CYP2C18: variants seen among roughly 807,000 people sequenced by gnomAD.
CYP2C18 encodes cytochrome P450 2C18.
In CYP2C18, 38 loss-of-function variants were observed where a neutral mutation model predicts 41.3. That is an observed-to-expected ratio of 0.92 (90% confidence interval 0.71 to 1.21). The LOEUF is 1.21. CYP2C18 is among the 50% of genes most tolerant of loss of function. The probability of loss-of-function intolerance (pLI) is 0.00; values close to 1 mark genes in which losing one functional copy is unlikely to be tolerated. For missense variants in CYP2C18, 635 were observed against 591.4 expected (o/e 1.07, Z -0.77); for synonymous variants, 236 against 210.0 (o/e 1.12, Z -1.07).
At chr10:94,712,173 T>TTA (rs1564644435) in intron 5 of CYP2C18, among the ~76,000 whole-genome samples, 3 of 150,028 alleles carry the variant, frequency 2.0e-5, no homozygotes, top group South Asian at 4.3e-4. Context: ...TTTTTTTTTT[T>TTA]ATTTAAGGTT....
intron 7 of CYP2C18, among the ~76,000 whole-genome samples, chr10:94,729,111 A>G (rs1217438920): frequency 2.6e-5 from 4 of 152,140 alleles, no homozygotes; most frequent in Admixed American, 1.3e-4. Context: ...ATGAGTTAGA[A>G]CACTGTTGTT....
rs747273748 is a variant in CYP2C18 at position 94,735,277 on chromosome 10, A to G, written c.1306A>G (p.Met436Val). The change falls in exon 9 of 9, where the codon ATG (methionine) becomes GTG (valine). Residue 436 changes from methionine to valine, a missense_variant. Physicochemically the swap from Met to Val is conservative, Grantham distance 21. Transcript: ENST00000285979. ...CTTATTTTCAGGAAAACGGATGTGT[A>G]TGGGAGAGGGCCTGGCCCGCATGGA... ...MPFSAGKRMCMGEGLARMELF... is the reference protein window; with the variant it reads ...MPFSAGKRMCVGEGLARMELF... 1.9e-6 allele frequency: 3 copies of G among 1,613,510 alleles called. 1 individual carries two copies. The East Asian group carries it at 6.7e-5, about 36-fold the overall frequency.
intron 3 of CYP2C18, among the ~76,000 whole-genome samples, chr10:94,689,090 GTTAA>G (rs765911733): frequency 4.6e-5 from 7 of 152,032 alleles, no homozygotes; most frequent in Non-Finnish European, 7.4e-5. Flanking sequence ...TAATTTCCCT[GTTAA>G]TTAAGAAGTA....
chr10:94,689,360 A>G (rs1452778479), intron 3 of CYP2C18, among the ~76,000 whole-genome samples: 1 of 140,180 alleles, frequency 7.1e-6, no homozygotes, highest in Non-Finnish European at 1.5e-5. Flanking sequence ...TTTATTTTCT[A>G]TATTTTTATG....
At position 94,735,269 on chromosome 10, in the gene CYP2C18, G is replaced by A. The variant is rs538067636; in HGVS notation, c.1298G>A (p.Arg433Gln). 15 of 1,613,134 alleles carry A rather than the reference G, an allele frequency of 9.3e-6. No homozygotes were observed. Among genetic ancestry groups the A allele is most frequent in the Middle Eastern group, 1.6e-4 (1 of 6,062 alleles). The part of the protein sequence containing the change: ...DYFMPFSAGK[R>Q]MCMGEGLARM... ...CTATGTCTCTTATTTTCAGGAAAAC[G>A]GATGTGTATGGGAGAGGGCCTGGCC... Residue 433 changes from arginine (R) to glutamine (Q), a missense_variant, in exon 9 of 9, where the codon CGG (arginine) becomes CAG (glutamine). Transcript: ENST00000285979.
Position 94,687,752 on chromosome 10 carries a change from C to T in CYP2C18, c.169-18C>T. ...TACTGAGTTTTGCTACTATTTGAAC[C>T]TCCTTTTCTATGTTTAGTTCTCAAA... On this transcript the variant is annotated intron_variant, in intron 1 of 8. Coordinates refer to ENST00000285979, the MANE Select transcript of CYP2C18 (RefSeq NM_000772.3). 1 of 1,604,720 alleles carries T rather than the reference C, an allele frequency of 6.2e-7. No homozygotes were observed. The highest frequency in any genetic ancestry group is 8.5e-7 in the Non-Finnish European group (1 of 1,176,066).
Position 94,730,419 on chromosome 10 carries a change from C to G in CYP2C18, c.1150-2878C>G, listed in dbSNP as rs557134652. On this transcript the variant is annotated intron_variant, in intron 7 of 8. Coordinates refer to ENST00000285979, the MANE Select transcript of CYP2C18 (RefSeq NM_000772.3). ...GGAAATCACAAAACAGGTGAACAAC[C>G]AAGTCAAGGGTGGTTTTTCTGTTTG... 2.3e-3 allele frequency among the ~76,000 whole-genome samples: 356 copies of G among 152,222 alleles called. 1 individual carries two copies. The highest frequency in any genetic ancestry group is 3.4e-3 in the Middle Eastern group (1 of 294).
chr10:94,733,383 T>C lies in CYP2C18; in HGVS notation c.1236T>C (p.Phe412=). Residue 412 remains phenylalanine (F), a synonymous_variant, in exon 8 of 9, where the codon TTT becomes TTC. Coordinates refer to ENST00000285979, the MANE Select transcript of CYP2C18 (RefSeq NM_000772.3). ...CAGAGATGTTTGACCCTGGCCACTT[T>C]CTGGATAAGAGTGGCAACTTTAAGA... ...PNPEMFDPGH[F]LDKSGNFKKS... is the part of the protein sequence containing the mutation. The C allele has an allele frequency of 6.2e-7, 1 of 1,613,490 alleles. No homozygotes were observed. Among genetic ancestry groups the C allele is most frequent in the South Asian group, 1.1e-5 (1 of 91,048 alleles).
intron 3 of CYP2C18, among the ~76,000 whole-genome samples, chr10:94,691,972 T>G (rs1227901278): frequency 1.3e-5 from 2 of 152,158 alleles, no homozygotes; most frequent in African/African-American, 4.8e-5. Context: ...GCTAGCCATA[T>G]GTAGAAAGCT....
At chr10:94,686,763 T>C (rs1421565947) in intron 1 of CYP2C18, among the ~76,000 whole-genome samples, 2 of 152,208 alleles carry the variant, frequency 1.3e-5, no homozygotes, top group Non-Finnish European at 2.9e-5. Context: ...TAATGCATTT[T>C]GCCAGAAGAG....
chr10:94,734,861 T>C (rs544536363), intron 8 of CYP2C18, among the ~76,000 whole-genome samples: 2 of 152,200 alleles, frequency 1.3e-5, no homozygotes, highest in African/African-American at 4.8e-5. Flanking sequence ...GGAAAAAAAA[T>C]CTTTGGCTAA....
In CYP2C18 at chr10:94,697,146, C is replaced by T. The variant is rs894243175; in HGVS notation, c.642+2069C>T. ...TACAGAGAATGCCACAAAGATACTC[C>T]TCGGGAAGAGCAACTCCAAGACACA... On this transcript the variant is annotated intron_variant, in intron 4 of 8. Transcript: ENST00000285979. Among the ~76,000 whole-genome samples the T allele has an allele frequency of 2.6e-5, 4 of 152,218 alleles. No individual in the cohort carries two copies. The South Asian group carries it at 6.2e-4, about 24-fold the overall frequency.
At chr10:94,713,683 T>C (rs1355250467) in intron 5 of CYP2C18, among the ~76,000 whole-genome samples, 1 of 152,242 alleles carries the variant, frequency 6.6e-6, no homozygotes, top group African/African-American at 2.4e-5. Flanking sequence ...TATAATCCTT[T>C]GGGTATATAC....
At chr10:94,710,300 G>A (rs564051452) in intron 5 of CYP2C18, among the ~76,000 whole-genome samples, 2 of 152,282 alleles carry the variant, frequency 1.3e-5, no homozygotes, top group South Asian at 4.1e-4. Flanking sequence ...TTTTGAAATT[G>A]GAAAGTGTCA....
chr10:94,715,842 T>A (rs965408816), intron 5 of CYP2C18, among the ~76,000 whole-genome samples: 19 of 152,224 alleles, frequency 1.2e-4, no homozygotes, highest in Non-Finnish European at 2.4e-4. Context: ...AGGCTCTTAA[T>A]TATTGCCTGA....
rs1847869104 is a variant in CYP2C18 at position 94,733,452 on chromosome 10, A to G, written c.1291+14A>G. The G allele has an allele frequency of 1.9e-6, 3 of 1,612,670 alleles. No homozygotes were observed. In the African/African-American group the frequency reaches 4.0e-5, roughly 22 times the overall value. ...CTTTCTCAGCAGGTAATAGATATTC[A>G]TTTCCATCTGTCCTTCAGGGCACAT... On this transcript the variant is annotated intron_variant, in intron 8 of 8. Coordinates refer to ENST00000285979, the MANE Select transcript of CYP2C18 (RefSeq NM_000772.3).
At position 94,735,355 on chromosome 10, in the gene CYP2C18, G is replaced by T. The variant is rs1289698812; in HGVS notation, c.1384G>T (p.Val462Phe). ...ILQNFNLKSQ[V>F]DPKDIDITPI... is the part of the protein sequence containing the mutation. The stretch of plus-strand genomic sequence containing the variant: ...GCAGAACTTTAACCTGAAATCTCAG[G>T]TTGACCCAAAGGATATTGACATCAC... Residue 462 changes from valine to phenylalanine, a missense_variant, in exon 9 of 9, where the codon GTT (valine) becomes TTT (phenylalanine). Transcript: ENST00000285979. 1 of 1,613,688 alleles carries T rather than the reference G, an allele frequency of 6.2e-7. No homozygotes were observed. The highest frequency in any genetic ancestry group is 8.5e-7 in the Non-Finnish European group (1 of 1,179,738).
intron 7 of CYP2C18, among the ~76,000 whole-genome samples, chr10:94,731,872 T>C (rs1183435288): frequency 6.6e-6 from 1 of 151,938 alleles, no homozygotes; most frequent in Non-Finnish European, 1.5e-5. Context: ...GCAAAAGAAA[T>C]ACCTAGGAAA....
chr10:94,704,572 A>G (rs1161628216), intron 4 of CYP2C18, among the ~76,000 whole-genome samples: 1 of 152,128 alleles, frequency 6.6e-6, no homozygotes, highest in Non-Finnish European at 1.5e-5. Context: ...GAATGAAGGA[A>G]GAAAGGAAGG....
Sources: gnomAD v4.1 joint callset for allele counts (sites outside exome capture counted in the v4.1 genomes callset) on GRCh38, gnomAD v4.1.1 for gene constraint, MANE v1.5 for transcripts, NCBI Gene and HGNC (gene_info 2026-07-23, HGNC 2026-07-21) for gene names.